The following AGTPBP1 variants were observed in gnomAD, a reference collection of about 807,000 sequenced individuals.
AGTPBP1 encodes the protein cytosolic carboxypeptidase 1.
In AGTPBP1, 70 loss-of-function variants were observed where a neutral mutation model predicts 143.9. The ratio of observed to expected loss-of-function variants is 0.49; its 90% CI spans 0.40 to 0.59. The LOEUF (loss-of-function observed/expected upper bound fraction) is 0.59, where lower values mean the gene tolerates loss of function less well. AGTPBP1 is among the 20% of genes least tolerant of loss of function. The pLI is 0.00. For missense variants in AGTPBP1, 1,229 were observed against 1,464.5 expected (o/e 0.84, Z 2.62); for synonymous variants, 463 against 500.2 (o/e 0.93, Z 0.99).
At chr9:85,789,327 A>AT in the AGTPBP1 span, among the ~76,000 whole-genome samples, 1 of 152,046 alleles carries the variant, frequency 6.6e-6, no homozygotes, top group South Asian at 2.1e-4. Context: ...AAGTAAAATT[A>AT]TTTTTTTACA....
In AGTPBP1 at chr9:85,615,549, TA is replaced by T. The variant is rs959125644; in HGVS notation, c.2335+3433del. On this transcript the variant is annotated intron_variant, in intron 17 of 25. Coordinates refer to ENST00000357081, the MANE Select transcript of AGTPBP1 (RefSeq NM_001330701.2). Reference sequence around the variant, plus strand: ...TTTTTTACAAATTATTGTACAGTTTTAAAAAAATGTAGTGTTACACATGAGC... The same window carrying T: ...TTTTTTACAAATTATTGTACAGTTTTAAAAAATGTAGTGTTACACATGAGC... Among the ~76,000 whole-genome samples the T allele has an allele frequency of 1.4e-4, 21 of 152,168 alleles. No individual in the cohort carries two copies. In the South Asian group the frequency reaches 2.9e-3, roughly 21 times the overall value.
At chr9:85,570,989 A>C (rs1413040195) in intron 25 of AGTPBP1, among the ~76,000 whole-genome samples, 2 of 152,240 alleles carry the variant, frequency 1.3e-5, no homozygotes, top group African/African-American at 2.4e-5. Context: ...CATTTAATTT[A>C]AAAACTAGAC....
At chr9:85,695,278 T>C (rs959007997) in intron 2 of AGTPBP1, among the ~76,000 whole-genome samples, 2 of 152,288 alleles carry the variant, frequency 1.3e-5, no homozygotes, top group South Asian at 2.1e-4. Flanking sequence ...GAGAGCCTCA[T>C]GGTCGGCCTG....
At chr9:85,689,580 T>C (rs1024135972) in intron 3 of AGTPBP1, among the ~76,000 whole-genome samples, 9 of 152,248 alleles carry the variant, frequency 5.9e-5, no homozygotes, top group African/African-American at 2.2e-4. Context: ...TCTCTCTAAC[T>C]AGCATTTTTA....
chr9:85,633,340 A>G lies in AGTPBP1; in HGVS notation c.1337T>C (p.Phe446Ser). The G allele has an allele frequency of 6.3e-7, 1 of 1,591,840 alleles. No homozygotes were observed. Among genetic ancestry groups the G allele is most frequent in the Middle Eastern group, 1.7e-4 (1 of 5,926 alleles). The part of the protein sequence containing the change: ...YDLISKEPKP[F>S]VFEGKVRGPI... ...ACCACGTACTTTTCCCTCAAATACAAAAGGCTTTGGTTCTTTGGAGATTAA... is the reference window on the plus strand; with the variant it reads ...ACCACGTACTTTTCCCTCAAATACAGAAGGCTTTGGTTCTTTGGAGATTAA... The change falls in exon 14 of 26, where the codon TTT becomes TCT. Residue 446 changes from phenylalanine to serine, a missense_variant. By Grantham distance (155) the Phe-to-Ser change is radical. Around this residue, in one of 2 missense-constraint regions of AGTPBP1, gnomAD observed 743 missense variants for 812.2 expected, o/e 0.91. Transcript: ENST00000357081.
chr9:85,669,020 C>T (rs1172208164), intron 8 of AGTPBP1, among the ~76,000 whole-genome samples: 2 of 135,034 alleles, frequency 1.5e-5, no homozygotes, highest in Admixed American at 7.3e-5. Flanking sequence ...TACATACACA[C>T]ACACACACAC....
At chr9:85,550,222 A>G (rs1015673757) in intron 25 of AGTPBP1, among the ~76,000 whole-genome samples, 4 of 152,052 alleles carry the variant, frequency 2.6e-5, no homozygotes, top group Non-Finnish European at 5.9e-5. Flanking sequence ...AGAGAGAAAG[A>G]TATCAGGGGA....
intron 8 of AGTPBP1, among the ~76,000 whole-genome samples, chr9:85,668,057 C>G (rs963992655): frequency 6.6e-6 from 1 of 151,508 alleles, no homozygotes; most frequent in African/African-American, 2.4e-5. Context: ...ATTTACAGCT[C>G]AAATATAATG....
chr9:85,611,155 C>A (rs200844455), intron 17 of AGTPBP1, among the ~76,000 whole-genome samples: 1 of 112,740 alleles, frequency 8.9e-6, no homozygotes, highest in Non-Finnish European at 1.8e-5. Context: ...AGGGGCTTTT[C>A]TTTTTTTTTT....
intron 13 of AGTPBP1, 21 bp downstream of exon 13, chr9:85,642,806 C>G (rs1832572178): frequency 6.5e-7 from 1 of 1,548,548 alleles, no homozygotes; most frequent in African/African-American, 1.4e-5. Context: ...AGTTAAGATG[C>G]TGAATTTTCT....
chr9:85,708,081 T>TA (rs1486386148), intron 2 of AGTPBP1, among the ~76,000 whole-genome samples: 1 of 152,068 alleles, frequency 6.6e-6, no homozygotes. Flanking sequence ...ATAATAATTT[T>TA]AAAAAAAGAA....
At chr9:85,779,218 G>GATATAA in the AGTPBP1 span, among the ~76,000 whole-genome samples, 1 of 99,976 alleles carries the variant, frequency 1.0e-5, no homozygotes, top group East Asian at 3.0e-4. Flanking sequence ...TATAGATATA[G>GATATAA]ATATAGATAT....
chr9:85,623,214 A>G (rs1283288768), intron 14 of AGTPBP1, among the ~76,000 whole-genome samples: 1 of 152,154 alleles, frequency 6.6e-6, no homozygotes, highest in East Asian at 1.9e-4. Flanking sequence ...ACAACCTTCA[A>G]GAAACACCAG....
At chr9:85,619,157 G>A (rs913147080) in intron 16 of AGTPBP1, 26 bp from the exon 17 acceptor site, 1 of 1,610,428 alleles carries the variant, frequency 6.2e-7, no homozygotes, top group Non-Finnish European at 8.5e-7. Flanking sequence ...AAAGAAATCT[G>A]ATGAAAATTA....
At chr9:85,793,011 TATAA>T in the AGTPBP1 span, among the ~76,000 whole-genome samples, 1 of 152,196 alleles carries the variant, frequency 6.6e-6, no homozygotes, top group East Asian at 1.9e-4. Flanking sequence ...GTTTCAACAG[TATAA>T]ATAAGAGTAT....
rs1013584803 is a variant in AGTPBP1, at chr9:85,718,752, T to C, written c.-33-6186A>G. Among the ~76,000 whole-genome samples the C allele has an allele frequency of 6.6e-5, 10 of 152,356 alleles. No individual in the cohort carries two copies. In the South Asian group the frequency reaches 1.4e-3, roughly 22 times the overall value. On this transcript the variant is annotated intron_variant, in intron 1 of 25. Coordinates refer to ENST00000357081, the MANE Select transcript of AGTPBP1 (RefSeq NM_001330701.2). The stretch of plus-strand genomic sequence containing the variant: ...GTCATGAAATGTTTGCCCATGCCTA[T>C]GTCCTCAATGGTATTGACTAGGTTT...
chr9:85,633,978 G>A (rs551903401), intron 13 of AGTPBP1, among the ~76,000 whole-genome samples: 1 of 151,656 alleles, frequency 6.6e-6, no homozygotes, highest in African/African-American at 2.4e-5. Context: ...GATGACCTGA[G>A]GTCAGGAGTT....
chr9:85,741,908 C>CGGA lies in AGTPBP1; in HGVS notation c.-168_-167insTCC. 8.3e-7 allele frequency: 1 copy of CGGA among 1,201,208 alleles called. No individual in the cohort carries two copies. 74.4% of individuals were successfully genotyped at this position (1,201,208 alleles called of 1,614,324 possible). A position where few individuals can be genotyped will look rare whatever the true frequency, so the allele number is the denominator to read the frequency against. ...ACCCCGGTGGCAGGCGAGGCGGAGG[C>CGGA]GGCGGCGGCGGCAGCTGCGGCGGCG... On this transcript the variant is annotated 5_prime_UTR_variant, in exon 1 of 26. Transcript: ENST00000357081.
chr9:85,601,268 C>A (rs1028373617), intron 17 of AGTPBP1, among the ~76,000 whole-genome samples: 1 of 152,200 alleles, frequency 6.6e-6, no homozygotes, highest in Non-Finnish European at 1.5e-5. Context: ...CTGCTGCCCT[C>A]ACTCAAACAC....
Sources: allele counts gnomAD v4.1 joint callset (sites outside exome capture counted in the v4.1 genomes callset), GRCh38; gene constraint gnomAD v4.1.1; regional missense constraint gnomAD v4.1.1; transcripts MANE v1.5; gene names NCBI Gene and HGNC (gene_info 2026-07-23, HGNC 2026-07-21).